RFX3: variants seen among roughly 807,000 people sequenced by gnomAD.
The protein encoded by RFX3 is transcription factor RFX3.
RFX3 carries 14 observed loss-of-function variants against 98.6 expected under a neutral mutation model. That is an observed-to-expected ratio of 0.14 (90% confidence interval 0.09 to 0.22). The LOEUF (loss-of-function observed/expected upper bound fraction) is 0.22, where lower values mean the gene tolerates loss of function less well. Among genes scored for constraint, RFX3 ranks in the 10% least tolerant of loss-of-function variants. RFX3 has a pLI of 1.00. For missense variants in RFX3, 639 were observed against 926.9 expected (o/e 0.69, Z 4.03); for synonymous variants, 383 against 328.4 (o/e 1.17, Z -1.80).
At chr9:3,262,887 A>AT in intron 13 of RFX3, 48 bp downstream of exon 13, 3 of 1,581,964 alleles carry the variant, frequency 1.9e-6, no homozygotes, top group Non-Finnish European at 2.6e-6. Context: ...AGAAGAACAA[A>AT]TTGGGTATCT....
At chr9:3,245,612 G>C (rs976396114) in intron 15 of RFX3, among the ~76,000 whole-genome samples, 1 of 152,188 alleles carries the variant, frequency 6.6e-6, no homozygotes, top group Non-Finnish European at 1.5e-5. Flanking sequence ...GAATGCTCAC[G>C]TGTCTGGTAT....
At chr9:3,253,051 C>A (rs931497868) in intron 14 of RFX3, among the ~76,000 whole-genome samples, 1 of 152,164 alleles carries the variant, frequency 6.6e-6, no homozygotes, top group Non-Finnish European at 1.5e-5. Context: ...AAATTGACTC[C>A]ACTGAATTGT....
intron 1 of RFX3, among the ~76,000 whole-genome samples, chr9:3,423,747 G>C: frequency 8.6e-6 from 1 of 116,866 alleles, no homozygotes; most frequent in East Asian, 3.1e-4. Flanking sequence ...TTTTTAAAAG[G>C]GTATATTTCA....
rs555615494 is a variant in RFX3, at chr9:3,247,242, T to C, written c.1968+790A>G. The stretch of plus-strand genomic sequence containing the variant: ...GCATTTGCATCTATTCCTCATTATA[T>C]TAACCAGCCCTTGTTATATTCAGAG... On this transcript the variant is annotated intron_variant, in intron 15 of 16. Coordinates refer to ENST00000617270, the MANE Select transcript of RFX3 (RefSeq NM_001282116.2). 6 of 853,642 alleles carry C rather than the reference T, an allele frequency of 7.0e-6. No homozygotes were observed. In the East Asian group the frequency reaches 1.2e-3, roughly 168 times the overall value. The allele number at this position is 853,642 out of a possible 1,614,324, so 52.9% of individuals were successfully genotyped here.
chr9:3,414,630 GTA>G (rs575066438), intron 1 of RFX3, among the ~76,000 whole-genome samples: 16 of 145,348 alleles, frequency 1.1e-4, no homozygotes, highest in Non-Finnish European at 3.0e-5. Flanking sequence ...ATATACGAGT[GTA>G]TATATATATG....
intron 1 of RFX3, among the ~76,000 whole-genome samples, chr9:3,397,128 C>T (rs1055290963): frequency 4.6e-5 from 7 of 152,196 alleles, no homozygotes; most frequent in Admixed American, 1.3e-4. Context: ...CACAATTAAA[C>T]ATGCCACGTT....
At chr9:3,457,784 T>C (rs576331508) in intron 1 of RFX3, among the ~76,000 whole-genome samples, 2 of 152,160 alleles carry the variant, frequency 1.3e-5, no homozygotes, top group South Asian at 4.1e-4. Context: ...CAATGAATGT[T>C]TTACCGATTG....
At chr9:3,511,092 A>G (rs1287500287) in intron 1 of RFX3, among the ~76,000 whole-genome samples, 1 of 151,994 alleles carries the variant, frequency 6.6e-6, no homozygotes, top group Non-Finnish European at 1.5e-5. Context: ...AATTCCACTG[A>G]ACCCTTTGGA....
intron 1 of RFX3, among the ~76,000 whole-genome samples, chr9:3,486,128 C>CAAAAAAAAAAAAAAAA (rs772747349): frequency 2.0e-5 from 1 of 49,152 alleles, no homozygotes; most frequent in Non-Finnish European, 3.6e-5. Flanking sequence ...TGTCTCAAAC[C>CAAAAAAAAAAAAAAAA]AAAAAAAAAA....
At chr9:3,281,688 G>A (rs1241467398) in intron 7 of RFX3, among the ~76,000 whole-genome samples, 1 of 151,772 alleles carries the variant, frequency 6.6e-6, no homozygotes, top group African/African-American at 2.4e-5. Context: ...TTTAATAGCT[G>A]ACTGTATGCA....
intron 14 of RFX3, among the ~76,000 whole-genome samples, chr9:3,251,391 A>T (rs1404990993): frequency 3.3e-5 from 5 of 151,940 alleles, no homozygotes; most frequent in Non-Finnish European, 5.9e-5. Flanking sequence ...TGTATTGTCC[A>T]GGCTGGGGTG....
intron 4 of RFX3, 82 bp from the exon 5 acceptor site, chr9:3,301,702 T>C: frequency 1.0e-6 from 1 of 1,003,918 alleles, no homozygotes; most frequent in Non-Finnish European, 1.5e-6. Context: ...ATAGATTCTT[T>C]AAAGTCCAAC....
chr9:3,481,487 A>G (rs7027858), intron 1 of RFX3, among the ~76,000 whole-genome samples: 1 of 149,426 alleles, frequency 6.7e-6, no homozygotes, highest in African/African-American at 2.4e-5. Context: ...TACATTTTTT[A>G]AAAAAAAAAA....
chr9:3,240,642 T>C (rs2130851313), intron 15 of RFX3, among the ~76,000 whole-genome samples: 1 of 152,292 alleles, frequency 6.6e-6, no homozygotes, highest in South Asian at 2.1e-4. Flanking sequence ...TTTTATGACA[T>C]TTTATGGTAG....
intron 3 of RFX3, among the ~76,000 whole-genome samples, chr9:3,337,643 G>T (rs2130996925): frequency 6.6e-6 from 1 of 152,300 alleles, no homozygotes; most frequent in Admixed American, 6.5e-5. Context: ...TGGCTGCAGT[G>T]GTGTGGTGTC....
intron 15 of RFX3, 172 bp downstream of exon 15, chr9:3,247,860 A>C: frequency 6.2e-7 from 1 of 1,608,922 alleles, no homozygotes; most frequent in African/African-American, 1.3e-5. Context: ...GATTAAGCAC[A>C]TAAGAACAGA....
intron 15 of RFX3, among the ~76,000 whole-genome samples, chr9:3,233,761 C>A (rs1818785257): frequency 6.6e-6 from 1 of 152,176 alleles, no homozygotes; most frequent in Non-Finnish European, 1.5e-5. Context: ...AAATCTGTAA[C>A]AAGTTCCCCA....
intron 14 of RFX3, among the ~76,000 whole-genome samples, chr9:3,253,087 T>C (rs1287426970): frequency 6.6e-6 from 1 of 152,232 alleles, no homozygotes; most frequent in Admixed American, 6.5e-5. Flanking sequence ...AATTCAACTC[T>C]TTTTAAGATC....
chr9:3,307,002 G>A (rs770588320), intron 4 of RFX3, among the ~76,000 whole-genome samples: 10 of 152,014 alleles, frequency 6.6e-5, no homozygotes, highest in Non-Finnish European at 1.5e-4. Flanking sequence ...TTCCTGTGCT[G>A]TTTTCCTGAT....
Sources: gnomAD v4.1 joint callset for allele counts (sites outside exome capture counted in the v4.1 genomes callset) on GRCh38, gnomAD v4.1.1 for gene constraint, MANE v1.5 for transcripts, NCBI Gene and HGNC (gene_info 2026-07-23, HGNC 2026-07-21) for gene names.